FAM240B: variants seen among roughly 807,000 people sequenced by gnomAD.
FAM240B encodes the protein protein FAM240B.
At chr9:38,712,895 C>G (rs546740456) in intron 1 of FAM240B, among the ~76,000 whole-genome samples, 4 of 152,254 alleles carry the variant, frequency 2.6e-5, no homozygotes, top group Admixed American at 2.6e-4. Flanking sequence ...TCTTCACCCC[C>G]CACAGTTTGA....
At chr9:38,712,297 T>C (rs1280670881) in intron 1 of FAM240B, among the ~76,000 whole-genome samples, 5 of 152,220 alleles carry the variant, frequency 3.3e-5, no homozygotes, top group African/African-American at 1.2e-4. Flanking sequence ...CCCTGTGACT[T>C]TTAGTCCATA....
At chr9:38,696,661 T>A (rs986600618) in intron 2 of FAM240B, among the ~76,000 whole-genome samples, 1 of 151,540 alleles carries the variant, frequency 6.6e-6, no homozygotes, top group Non-Finnish European at 1.5e-5. Flanking sequence ...CAAAAAAAAA[T>A]AAATTAGCTG....
chr9:38,696,198 G>T (rs568469390), intron 2 of FAM240B, among the ~76,000 whole-genome samples: 29 of 152,162 alleles, frequency 1.9e-4, no homozygotes, highest in African/African-American at 6.5e-4. Flanking sequence ...AAACAGAAAA[G>T]AATTTTAAAA....
At chr9:38,715,250 A>AC (rs949336348) in intron 1 of FAM240B, among the ~76,000 whole-genome samples, 9 of 151,376 alleles carry the variant, frequency 5.9e-5, no homozygotes, top group African/African-American at 9.7e-5. Flanking sequence ...GAGTTAGGAG[A>AC]CCCCCCCACA....
intron 2 of FAM240B, 150 bp from the exon 3 acceptor site, chr9:38,695,019 C>T (rs1037587682): frequency 3.8e-5 from 15 of 393,638 alleles, no homozygotes; most frequent in South Asian, 1.4e-4. Context: ...TCTCATTGTT[C>T]AACTCCCACT....
At chr9:38,717,100 G>A (rs1371953371) in intron 1 of FAM240B, among the ~76,000 whole-genome samples, 1 of 152,144 alleles carries the variant, frequency 6.6e-6, no homozygotes, top group Non-Finnish European at 1.5e-5. Flanking sequence ...TCGGGAAGGT[G>A]TGGAGGGAAG....
At chr9:38,709,253 G>T (rs781001051) in intron 1 of FAM240B, among the ~76,000 whole-genome samples, 20 of 152,134 alleles carry the variant, frequency 1.3e-4, no homozygotes, top group Non-Finnish European at 2.8e-4. Flanking sequence ...AGTGCATTTT[G>T]TTTGAGATGA....
At chr9:38,719,427 A>G (rs1821347028) in intron 1 of FAM240B, among the ~76,000 whole-genome samples, 1 of 152,334 alleles carries the variant, frequency 6.6e-6, no homozygotes, top group East Asian at 1.9e-4. Context: ...TAAAAATTAA[A>G]TATCAATTTA....
intron 1 of FAM240B, among the ~76,000 whole-genome samples, chr9:38,705,873 C>T (rs1235574952): frequency 6.6e-6 from 1 of 152,062 alleles, no homozygotes; most frequent in African/African-American, 2.4e-5. Flanking sequence ...CTTCCAATCA[C>T]CTGCTTATTT....
At chr9:38,719,100 A>G (rs1821343301) in intron 1 of FAM240B, among the ~76,000 whole-genome samples, 1 of 152,064 alleles carries the variant, frequency 6.6e-6, no homozygotes, top group South Asian at 2.1e-4. Context: ...TCAAAATTAC[A>G]GGGGCTTTGT....
chr9:38,714,924 T>C (rs907048819), intron 1 of FAM240B, among the ~76,000 whole-genome samples: 1 of 152,250 alleles, frequency 6.6e-6, no homozygotes, highest in Non-Finnish European at 1.5e-5. Flanking sequence ...TGATAAATTC[T>C]GCAGTAAATT....
At chr9:38,717,430 G>C (rs1821319073) in intron 1 of FAM240B, among the ~76,000 whole-genome samples, 1 of 151,872 alleles carries the variant, frequency 6.6e-6, no homozygotes, top group Non-Finnish European at 1.5e-5. Flanking sequence ...AAATACTCTT[G>C]AGTATAGCGA....
intron 1 of FAM240B, among the ~76,000 whole-genome samples, chr9:38,711,641 C>A (rs1587593516): frequency 7.0e-6 from 1 of 143,796 alleles, no homozygotes; most frequent in Admixed American, 7.4e-5. Flanking sequence ...CTCCCTCCCT[C>A]CCTCTCTCTT....
intron 2 of FAM240B, among the ~76,000 whole-genome samples, chr9:38,696,191 C>T (rs182469895): frequency 3.9e-5 from 6 of 152,156 alleles, no homozygotes; most frequent in Admixed American, 2.6e-4. Context: ...TCAGAATAAA[C>T]AGAAAAGAAT....
At chr9:38,718,767 C>A (rs920384078) in intron 1 of FAM240B, among the ~76,000 whole-genome samples, 2 of 150,756 alleles carry the variant, frequency 1.3e-5, no homozygotes, top group African/African-American at 4.9e-5. Context: ...AAAAAATGTT[C>A]AAAGTCCTAA....
At chr9:38,706,347 C>T (rs553902967) in intron 1 of FAM240B, among the ~76,000 whole-genome samples, 56 of 152,198 alleles carry the variant, frequency 3.7e-4, no homozygotes, top group African/African-American at 1.2e-3. Flanking sequence ...CCACCGCTCC[C>T]GGACACTCCC....
chr9:38,711,643 C>G lies in FAM240B; in HGVS notation c.-3-7641G>C, dbSNP rs1025403608. Among the ~76,000 whole-genome samples the G allele has an allele frequency of 2.9e-5, 4 of 138,854 alleles. No individual in the cohort carries two copies. In the Admixed American group the frequency reaches 3.1e-4, roughly 11 times the overall value. The allele number at this position is 138,854 out of a possible 152,430, so 91.1% of individuals were successfully genotyped here. ...TCCCTCTTTCTCTCTCCCTCCCTCCCTCTCTCTTTCTTCTTCTTTTTTTTT... is the reference window on the plus strand; with the variant it reads ...TCCCTCTTTCTCTCTCCCTCCCTCCGTCTCTCTTTCTTCTTCTTTTTTTTT... On this transcript the variant is annotated intron_variant, in intron 1 of 2. Coordinates refer to ENST00000637493, the MANE Select transcript of FAM240B (RefSeq NM_001394922.1).
chr9:38,715,926 A>T (rs1821299234), intron 1 of FAM240B, among the ~76,000 whole-genome samples: 1 of 152,204 alleles, frequency 6.6e-6, no homozygotes, highest in African/African-American at 2.4e-5. Context: ...GGTTACTGTT[A>T]ACCACTGCAG....
At chr9:38,697,408 T>C (rs570938303) in intron 2 of FAM240B, among the ~76,000 whole-genome samples, 10 of 152,210 alleles carry the variant, frequency 6.6e-5, no homozygotes, top group Non-Finnish European at 1.3e-4. Context: ...CCAAAACTTA[T>C]CAGGGCTGCC....
Sources: allele counts gnomAD v4.1 joint callset (sites outside exome capture counted in the v4.1 genomes callset), GRCh38; gene constraint gnomAD v4.1.1; transcripts MANE v1.5; gene names NCBI Gene and HGNC (gene_info 2026-07-23, HGNC 2026-07-21).